The following ATP7A variants were observed in gnomAD, a reference collection of about 807,000 sequenced individuals.
ATP7A encodes the protein copper-transporting ATPase 1.
A neutral mutation model predicts 83.5 loss-of-function variants in ATP7A; 7 were observed. The observed-to-expected ratio is 0.08, with a 90% CI of 0.05 to 0.16. ATP7A has a LOEUF of 0.16. Among genes scored for constraint, ATP7A ranks in the 10% least tolerant of loss-of-function variants. The probability of loss-of-function intolerance (pLI) is 1.00; values close to 1 mark genes in which losing one functional copy is unlikely to be tolerated. For missense variants in ATP7A, 940 were observed against 1,120.8 expected (o/e 0.84, Z 2.30); for synonymous variants, 354 against 395.2 (o/e 0.90, Z 1.24).
At chrX:78,010,814 T>C (rs148582825) in intron 7 of ATP7A, among the ~76,000 whole-genome samples, 5,540 of 109,340 alleles carry the variant, frequency 0.051, 148 homozygotes, top group Non-Finnish European at 0.079. Flanking sequence ...CTCCTGACTT[T>C]GTGATTTGCC....
chrX:78,033,869 G>A (rs782816596), intron 17 of ATP7A, 48 bp downstream of exon 17: 1 of 1,107,381 alleles, frequency 9.0e-7, no homozygotes, highest in East Asian at 3.0e-5. Flanking sequence ...GTTATGAACA[G>A]ATGGCTAACT....
At chrX:77,931,439 C>T (rs2077274061) in intron 1 of ATP7A, among the ~76,000 whole-genome samples, 1 of 112,178 alleles carries the variant, frequency 8.9e-6, no homozygotes, top group Middle Eastern at 4.7e-3. Flanking sequence ...GGCAACCATC[C>T]GATTTCTCAA....
At chrX:77,974,028 A>G (rs2077563010) in intron 2 of ATP7A, among the ~76,000 whole-genome samples, 1 of 111,694 alleles carries the variant, frequency 9.0e-6, no homozygotes, top group Non-Finnish European at 1.9e-5. Flanking sequence ...GGTGTTCATT[A>G]TGAGGTTTTT....
intron 1 of ATP7A, among the ~76,000 whole-genome samples, chrX:77,968,710 C>T (rs1197663460): frequency 2.7e-5 from 3 of 111,936 alleles, no homozygotes; most frequent in Non-Finnish European, 3.8e-5. Flanking sequence ...TGGGTGCAGG[C>T]GACAAAATGG....
At chrX:77,918,367 G>A (rs2077195045) in intron 1 of ATP7A, among the ~76,000 whole-genome samples, 1 of 111,035 alleles carries the variant, frequency 9.0e-6, no homozygotes. Flanking sequence ...GAGCCATCAT[G>A]CATAGCTGCT....
intron 2 of ATP7A, among the ~76,000 whole-genome samples, chrX:77,985,949 T>C (rs1185629213): frequency 9.0e-5 from 10 of 111,715 alleles, no homozygotes; most frequent in African/African-American, 2.9e-4. Flanking sequence ...GAAATTAAAG[T>C]TTAAAAGAGG....
chrX:77,974,783 T>C, intron 2 of ATP7A: 2 of 297,549 alleles, frequency 6.7e-6, no homozygotes, highest in Non-Finnish European at 5.9e-6. Context: ...GATTTTCAAA[T>C]GTTGAGCCAG....
chrX:78,011,443 T>C lies in ATP7A; in HGVS notation c.1947-6T>C. On this transcript the variant is annotated splice_polypyrimidine_tract_variant and splice_region_variant and intron_variant, in intron 8 of 22. Coordinates refer to ENST00000341514, the MANE Select transcript of ATP7A (RefSeq NM_000052.7). ...GATTTTTCTTTTTTTATTTTTTCCA[T>C]ATAAGATGGAGACGGTCTTTTCTTG... 2 of 1,205,300 alleles carry C rather than the reference T, an allele frequency of 1.7e-6. No individual in the cohort carries two copies. Among genetic ancestry groups the C allele is most frequent in the East Asian group, 3.0e-5 (1 of 33,809 alleles).
intron 1 of ATP7A, among the ~76,000 whole-genome samples, chrX:77,948,982 C>T (rs1435934223): frequency 9.0e-6 from 1 of 110,867 alleles, no homozygotes; most frequent in Non-Finnish European, 1.9e-5. Context: ...ACCTCCGCCT[C>T]CCGGGTTCAA....
chrX:77,915,585 A>G (rs1373054809), intron 1 of ATP7A, among the ~76,000 whole-genome samples: 14 of 111,890 alleles, frequency 1.3e-4, no homozygotes, highest in South Asian at 3.7e-4. Flanking sequence ...ATTTTAATAT[A>G]TTATTTACTG....
rs782370461 is a variant in ATP7A, at chrX:77,921,830, C to T, written c.-22+10995C>T. 3.6e-5 allele frequency among the ~76,000 whole-genome samples: 4 copies of T among 111,425 alleles called. No individual in the cohort carries two copies. In the Admixed American group the frequency reaches 3.8e-4, roughly 11 times the overall value. On this transcript the variant is annotated intron_variant, in intron 1 of 22. Coordinates refer to ENST00000341514, the MANE Select transcript of ATP7A (RefSeq NM_000052.7). ...CTGAGGCAGGAGAATCACTTGAACC[C>T]AGGAGGCGGAGGGTGTGGTGAGCTG...
At chrX:78,026,565 T>TA (rs2077944703) in intron 14 of ATP7A, among the ~76,000 whole-genome samples, 1 of 111,785 alleles carries the variant, frequency 8.9e-6, no homozygotes, top group South Asian at 3.7e-4. Context: ...TGCACTTAAA[T>TA]TGGATTCTCA....
chrX:77,982,388 A>T (rs2077610068), intron 2 of ATP7A, among the ~76,000 whole-genome samples: 1 of 112,309 alleles, frequency 8.9e-6, no homozygotes, highest in Admixed American at 9.5e-5. Context: ...TTCCTGGGGG[A>T]TAAAAAGGAA....
chrX:77,948,108 C>T (rs868971024), intron 1 of ATP7A, among the ~76,000 whole-genome samples: 8 of 103,611 alleles, frequency 7.7e-5, no homozygotes, highest in South Asian at 4.1e-4. Flanking sequence ...TTTATTCATT[C>T]ATTCATTCAT....
chrX:78,020,252 A>T lies in ATP7A; in HGVS notation c.2635A>T (p.Met879Leu), dbSNP rs2077895767. Residue 879 changes from methionine to leucine, a missense_variant, in exon 13 of 23, where the codon ATG (methionine) becomes TTG (leucine). Around this residue, in one of 3 missense-constraint regions of ATP7A, gnomAD observed 386 missense variants for 502.2 expected, o/e 0.77. Coordinates refer to ENST00000341514, the MANE Select transcript of ATP7A (RefSeq NM_000052.7). ...CTTTACTCTCCATACAGGGGAGGCAATGCCTGTGGCTAAGAAACCTGGCAG... is the reference window on the plus strand; with the variant it reads ...CTTTACTCTCCATACAGGGGAGGCATTGCCTGTGGCTAAGAAACCTGGCAG... ...VDESLITGEA[M>L]PVAKKPGSTV... is the part of the protein sequence containing the mutation. 1 of 1,211,525 alleles carries T rather than the reference A, an allele frequency of 8.3e-7. No homozygotes were observed. Among genetic ancestry groups the T allele is most frequent in the Admixed American group, 2.2e-5 (1 of 46,055 alleles).
chrX:78,028,932 A>T (rs1389112927), intron 14 of ATP7A, among the ~76,000 whole-genome samples: 2 of 112,384 alleles, frequency 1.8e-5, no homozygotes, highest in Non-Finnish European at 3.8e-5. Context: ...CTGTTTATTC[A>T]GTATCAAATT....
intron 16 of ATP7A, 74 bp from the exon 17 acceptor site, chrX:78,033,531 G>A: frequency 2.0e-6 from 2 of 984,893 alleles, no homozygotes; most frequent in Non-Finnish European, 2.9e-6. Flanking sequence ...ATTAACTAGG[G>A]GTTTTTATCT....
chrX:77,993,991 A>C (rs1366469781), intron 4 of ATP7A, among the ~76,000 whole-genome samples: 2 of 111,414 alleles, frequency 1.8e-5, no homozygotes, highest in Non-Finnish European at 3.8e-5. Flanking sequence ...TGAAGACCCA[A>C]AGATACAGGA....
chrX:77,967,093 T>C (rs1251947164), intron 1 of ATP7A, among the ~76,000 whole-genome samples: 1 of 111,903 alleles, frequency 8.9e-6, no homozygotes, highest in Non-Finnish European at 1.9e-5. Flanking sequence ...CATTCCTTTG[T>C]ATGGCTGCAT....
Sources: gnomAD v4.1 joint callset for allele counts (sites outside exome capture counted in the v4.1 genomes callset) on GRCh38, gnomAD v4.1.1 for gene constraint, gnomAD v4.1.1 regional missense constraint, MANE v1.5 for transcripts, NCBI Gene and HGNC (gene_info 2026-07-23, HGNC 2026-07-21) for gene names.